PANK4: variants seen among roughly 807,000 people sequenced by gnomAD.
PANK4 encodes the protein 4'-phosphopantetheine phosphatase.
In PANK4, 40 loss-of-function variants were observed where a neutral mutation model predicts 87.9. That is an observed-to-expected ratio of 0.46 (90% CI 0.35 to 0.59). The LOEUF (loss-of-function observed/expected upper bound fraction) is 0.59, where lower values mean the gene tolerates loss of function less well. Among genes scored for constraint, PANK4 ranks in the 20% least tolerant of loss-of-function variants. PANK4 has a pLI of 0.00. For missense variants in PANK4, 926 were observed against 1,072.3 expected (o/e 0.86, Z 1.90); for synonymous variants, 524 against 467.4 (o/e 1.12, Z -1.56).
At position 2,508,652 on chromosome 1, in the gene PANK4, T is replaced by TA; in HGVS notation, c.*194dup. 2.0e-6 allele frequency: 1 copy of TA among 504,346 alleles called. No homozygotes were observed. Among genetic ancestry groups the TA allele is most frequent in the Non-Finnish European group, 3.5e-6 (1 of 286,256 alleles). The allele number at this position is 504,346 out of a possible 1,614,324, so 31.2% of individuals were successfully genotyped here. A position where few individuals can be genotyped will look rare whatever the true frequency, so the allele number is the denominator to read the frequency against. Reference sequence around the variant, plus strand: ...TATAAAAGGTTCTTTAGCAGTTAAATAGATTCCAATATGAACGTCTCCCAG... The same window carrying TA: ...TATAAAAGGTTCTTTAGCAGTTAAATAAGATTCCAATATGAACGTCTCCCAG... On this transcript the variant is annotated 3_prime_UTR_variant, in exon 19 of 19. Transcript: ENST00000378466. This position sits in a 1 kb window ranked among gnomAD's most constrained non-coding sequence, Gnocchi z 5.1.
At position 2,519,398 on chromosome 1, in the gene PANK4, G is replaced by C; in HGVS notation, c.854-74C>G. The C allele has an allele frequency of 2.9e-6, 2 of 692,432 alleles. No individual in the cohort carries two copies. Among genetic ancestry groups the C allele is most frequent in the South Asian group, 4.2e-5 (2 of 47,408 alleles). The allele number at this position is 692,432 out of a possible 1,614,324, so 42.9% of individuals were successfully genotyped here. A position where few individuals can be genotyped will look rare whatever the true frequency, so the allele number is the denominator to read the frequency against. The stretch of plus-strand genomic sequence containing the variant: ...CGACATGAGAGCGAGCAGGAGGGGA[G>C]GGGGAGAGAGAGCTGAGTGGGAGGG... On this transcript the variant is annotated intron_variant, in intron 6 of 18. Transcript: ENST00000378466. The surrounding 1 kb of genome is among the most constrained non-coding windows in gnomAD (Gnocchi z 8.3).
At position 2,522,914 on chromosome 1, in the gene PANK4, G is replaced by T. The variant is rs902700164; in HGVS notation, c.125-1114C>A. Reference sequence around the variant, plus strand: ...CTATAGTGACTTAACAGAGGGCACCGTATGGTGCTATAGTGACTTAACAGA... The same window carrying T: ...CTATAGTGACTTAACAGAGGGCACCTTATGGTGCTATAGTGACTTAACAGA... On this transcript the variant is annotated intron_variant, in intron 1 of 18. Coordinates refer to ENST00000378466, the MANE Select transcript of PANK4 (RefSeq NM_018216.4). Among the ~76,000 whole-genome samples, 140 of 141,034 alleles carry T rather than the reference G, an allele frequency of 9.9e-4. 8 individuals carry two copies. Among genetic ancestry groups the T allele is most frequent in the African/African-American group, 3.4e-3 (124 of 36,862 alleles). The allele number at this position is 141,034 out of a possible 152,430, so 92.5% of individuals were successfully genotyped here.
chr1:2,521,824 C>A (rs202136072), intron 1 of PANK4, 24 bp from the exon 2 acceptor site: 20 of 1,595,156 alleles, frequency 1.3e-5, no homozygotes, highest in East Asian at 1.1e-4. Flanking sequence ...ACAAACCGGG[C>A]AGGATTCAGG....
chr1:2,517,135 A>G (rs1643795139), intron 9 of PANK4, among the ~76,000 whole-genome samples: 1 of 152,222 alleles, frequency 6.6e-6, no homozygotes, highest in Admixed American at 6.5e-5. Context: ...CCTCTGCCCA[A>G]CAGCAGGGCA....
chr1:2,508,680 C>T lies in PANK4; in HGVS notation c.*167G>A. 1 of 577,288 alleles carries T rather than the reference C, an allele frequency of 1.7e-6. No individual in the cohort carries two copies. The highest frequency in any genetic ancestry group is 2.3e-5 in the South Asian group (1 of 43,168). 35.8% of individuals were successfully genotyped at this position (577,288 alleles called of 1,614,324 possible). On this transcript the variant is annotated 3_prime_UTR_variant, in exon 19 of 19. Coordinates refer to ENST00000378466, the MANE Select transcript of PANK4 (RefSeq NM_018216.4). The surrounding 1 kb of genome is among the most constrained non-coding windows in gnomAD (Gnocchi z 5.1). ...ATTCCAATATGAACGTCTCCCAGGACAAAGCTGCGTCTCGCCTCTGGGTCA... is the reference window on the plus strand; with the variant it reads ...ATTCCAATATGAACGTCTCCCAGGATAAAGCTGCGTCTCGCCTCTGGGTCA...
chr1:2,520,200 A>G lies in PANK4; in HGVS notation c.699+122T>C. The G allele has an allele frequency of 3.2e-6, 3 of 927,872 alleles. No homozygotes were observed. The highest frequency in any genetic ancestry group is 2.5e-5 in the East Asian group (1 of 39,496). The allele number at this position is 927,872 out of a possible 1,614,324, so 57.5% of individuals were successfully genotyped here. On this transcript the variant is annotated intron_variant, in intron 5 of 18. Transcript: ENST00000378466. This position sits in a 1 kb window ranked among gnomAD's most constrained non-coding sequence, Gnocchi z 6.2. ...GTGAAGCCGCAGAGGCCAGAGACCC[A>G]CTGACGCGAGTCAGGAGGGAGGCCC... is the stretch of plus-strand genomic sequence containing the variant.
Position 2,510,508 on chromosome 1 carries a change from C to G in PANK4, c.1938+170G>C, listed in dbSNP as rs1643643056. The stretch of plus-strand genomic sequence containing the variant: ...AGCCTGAGCCCAGGGGGCTCGGAGC[C>G]TCCACCCCAGCAGATGACGGCTCTG... On this transcript the variant is annotated intron_variant, in intron 16 of 18. Coordinates refer to ENST00000378466, the MANE Select transcript of PANK4 (RefSeq NM_018216.4). This position sits in a 1 kb window ranked among gnomAD's most constrained non-coding sequence, Gnocchi z 4.9. 3.0e-5 allele frequency: 19 copies of G among 633,690 alleles called. No homozygotes were observed. In the South Asian group the frequency reaches 3.5e-4, roughly 12 times the overall value. The allele number at this position is 633,690 out of a possible 1,614,324, so 39.3% of individuals were successfully genotyped here.
At chr1:2,525,033 A>C (rs1643908229) in intron 1 of PANK4, among the ~76,000 whole-genome samples, 1 of 152,076 alleles carries the variant, frequency 6.6e-6, no homozygotes, top group Admixed American at 6.5e-5. Context: ...ACCCCCTAAG[A>C]AGCATTGCCT....
chr1:2,519,395 G>A lies in PANK4; in HGVS notation c.854-71C>T, dbSNP rs899887612. On this transcript the variant is annotated intron_variant, in intron 6 of 18. Transcript: ENST00000378466. This position sits in a 1 kb window ranked among gnomAD's most constrained non-coding sequence, Gnocchi z 8.3. The stretch of plus-strand genomic sequence containing the variant: ...GCACGACATGAGAGCGAGCAGGAGG[G>A]GAGGGGGAGAGAGAGCTGAGTGGGA... The A allele has an allele frequency of 2.6e-5, 21 of 802,542 alleles. No individual in the cohort carries two copies. The African/African-American group carries it at 3.2e-4, about 12-fold the overall frequency. The allele number at this position is 802,542 out of a possible 1,614,324, so 49.7% of individuals were successfully genotyped here.
In PANK4 at chr1:2,514,388, A is replaced by C; in HGVS notation, c.1453T>G (p.Trp485Gly). 1 of 1,612,430 alleles carries C rather than the reference A, an allele frequency of 6.2e-7. No individual in the cohort carries two copies. Residue 485 changes from tryptophan to glycine, a missense_variant, in exon 11 of 19, where the codon TGG becomes GGG. Trp to Gly is a radical substitution (Grantham distance 184). Transcript: ENST00000378466. Reference protein sequence around the residue: ...ERAEKFRQKYWNKLQTLRQQP... With the variant: ...ERAEKFRQKYGNKLQTLRQQP... Reference sequence around the variant, plus strand: ...TGCCTCAGGGTCTGAAGCTTGTTCCAGTACTTCTGCCGGAACTTCTCCGCC... The same window carrying C: ...TGCCTCAGGGTCTGAAGCTTGTTCCCGTACTTCTGCCGGAACTTCTCCGCC...
At chr1:2,522,483 AT>A (rs1643882990) in intron 1 of PANK4, among the ~76,000 whole-genome samples, 1 of 152,214 alleles carries the variant, frequency 6.6e-6, no homozygotes, top group Non-Finnish European at 1.5e-5. Flanking sequence ...TTGAATAAAT[AT>A]CAGGAAATGG....
chr1:2,518,207 G>C lies in PANK4; in HGVS notation c.1175C>G (p.Ala392Gly), dbSNP rs1643818632. The part of the protein sequence containing the change: ...NYAGSSGLMS[A>G]SPELGPAQRA... ...CTGCGCCGGGCCGAGCTCGGGTGAT[G>C]CACTCATCAGCCCGGAGCTGCCTGC... is the stretch of plus-strand genomic sequence containing the variant. Residue 392 changes from alanine (A) to glycine (G), a missense_variant, in exon 9 of 19, where the codon GCA becomes GGA. Ala to Gly is a moderately conservative substitution (Grantham distance 60, BLOSUM62 0). Coordinates refer to ENST00000378466, the MANE Select transcript of PANK4 (RefSeq NM_018216.4). The C allele has an allele frequency of 1.9e-6, 3 of 1,611,252 alleles. No homozygotes were observed. In the East Asian group the frequency reaches 6.7e-5, roughly 36 times the overall value.
At chr1:2,511,261 C>A in intron 15 of PANK4, 77 bp downstream of exon 15, 2 of 1,017,806 alleles carry the variant, frequency 2.0e-6, no homozygotes, top group Non-Finnish European at 3.1e-6. Flanking sequence ...GCAGCCCATG[C>A]CCACCTCCCT....
intron 15 of PANK4, 54 bp downstream of exon 15, chr1:2,511,284 C>A: frequency 7.6e-7 from 1 of 1,318,798 alleles, no homozygotes; most frequent in Non-Finnish European, 1.1e-6. Context: ...AGTGACCACC[C>A]CCCCGGGCCC....
intron 11 of PANK4, 102 bp downstream of exon 11, chr1:2,514,252 A>G (rs958714288): frequency 8.7e-7 from 1 of 1,148,632 alleles, no homozygotes; most frequent in Non-Finnish European, 1.3e-6. Context: ...ACCCACCCCC[A>G]GCGAGCTGGG....
In PANK4 at chr1:2,519,378, T is replaced by G; in HGVS notation, c.854-54A>C. The G allele has an allele frequency of 9.2e-7, 1 of 1,087,572 alleles. No homozygotes were observed. The highest frequency in any genetic ancestry group is 1.2e-6 in the Non-Finnish European group (1 of 810,652). 67.4% of individuals were successfully genotyped at this position (1,087,572 alleles called of 1,614,324 possible). Reference sequence around the variant, plus strand: ...CTCCAAGTACAGCAAGTGCACGACATGAGAGCGAGCAGGAGGGGAGGGGGA... The same window carrying G: ...CTCCAAGTACAGCAAGTGCACGACAGGAGAGCGAGCAGGAGGGGAGGGGGA... On this transcript the variant is annotated intron_variant, in intron 6 of 18. Coordinates refer to ENST00000378466, the MANE Select transcript of PANK4 (RefSeq NM_018216.4). This position sits in a 1 kb window ranked among gnomAD's most constrained non-coding sequence, Gnocchi z 8.3.
chr1:2,521,522 C>T, intron 2 of PANK4, 196 bp downstream of exon 2: 1 of 691,312 alleles, frequency 1.4e-6, no homozygotes. Context: ...CCCGGGGGAG[C>T]ACAGGCGGGC....
chr1:2,524,337 G>A lies in PANK4; in HGVS notation c.124+2127C>T, dbSNP rs113112170. On this transcript the variant is annotated intron_variant, in intron 1 of 18. Coordinates refer to ENST00000378466, the MANE Select transcript of PANK4 (RefSeq NM_018216.4). ...GAGAAGCCTGCTTTTAAACAACACTGTTGACAAGCACTTTGGCTTTGAGGG... is the reference window on the plus strand; with the variant it reads ...GAGAAGCCTGCTTTTAAACAACACTATTGACAAGCACTTTGGCTTTGAGGG... 6.6e-3 allele frequency among the ~76,000 whole-genome samples: 1,010 copies of A among 152,174 alleles called. 15 individuals are homozygous for A. The highest frequency in any genetic ancestry group is 0.022 in the South Asian group (107 of 4,818).
In PANK4 at chr1:2,515,868, C is replaced by T. The variant is rs987863196; in HGVS notation, c.1219-151G>A. 3 of 788,002 alleles carry T rather than the reference C, an allele frequency of 3.8e-6. No homozygotes were observed. In the Admixed American group the frequency reaches 8.1e-5, roughly 21 times the overall value. 48.8% of individuals were successfully genotyped at this position (788,002 alleles called of 1,614,324 possible). On this transcript the variant is annotated intron_variant, in intron 9 of 18. Coordinates refer to ENST00000378466, the MANE Select transcript of PANK4 (RefSeq NM_018216.4). This position sits in a 1 kb window ranked among gnomAD's most constrained non-coding sequence, Gnocchi z 5.0. ...GCCACAGACGAGACCCCCACTGGGC[C>T]CCCTCAGCTGCCCGGCGGCCTGAGC...
Sources: allele counts gnomAD v4.1 joint callset (sites outside exome capture counted in the v4.1 genomes callset), GRCh38; gene constraint gnomAD v4.1.1; non-coding constraint Gnocchi (gnomAD v3.1); transcripts MANE v1.5; gene names NCBI Gene and HGNC (gene_info 2026-07-23, HGNC 2026-07-21).